Variants in AFF2 observed in about 807,000 individuals in gnomAD.
The protein encoded by AFF2 is AF4/FMR2 family member 2.
In AFF2, 14 loss-of-function variants were observed where a neutral mutation model predicts 76.9. That is an observed-to-expected ratio of 0.18 (90% CI 0.12 to 0.28). The LOEUF is 0.28. Ranked by LOEUF, AFF2 falls within the 10% of genes least tolerant of loss-of-function variation. The pLI, the probability that AFF2 is intolerant of heterozygous loss-of-function variation, is 1.00. For missense variants in AFF2, 868 were observed against 1,001.1 expected (o/e 0.87, Z 1.79); for synonymous variants, 398 against 366.7 (o/e 1.09, Z -0.98).
rs141293394 is a variant in AFF2 at position 148,539,568 on chromosome X, C to T, written c.47+38424C>T. Among the ~76,000 whole-genome samples the T allele has an allele frequency of 9.2e-3, 1,016 of 110,738 alleles. 8 individuals are homozygous for T. Among genetic ancestry groups the T allele is most frequent in the Non-Finnish European group, 0.015 (801 of 52,815 alleles). On this transcript the variant is annotated intron_variant, in intron 1 of 20. Coordinates refer to ENST00000370460, the MANE Select transcript of AFF2 (RefSeq NM_002025.4). ...CAACATAGATCCACAACATTGTACACCCTCATTTCTCTTTCTCTTGCTATT... is the reference window on the plus strand; with the variant it reads ...CAACATAGATCCACAACATTGTACATCCTCATTTCTCTTTCTCTTGCTATT...
intron 7 of AFF2, among the ~76,000 whole-genome samples, chrX:148,848,305 C>T (rs1430431114): frequency 1.8e-5 from 2 of 111,160 alleles, no homozygotes; most frequent in African/African-American, 6.6e-5. Context: ...ATTTCATTAC[C>T]AAAGAGAATA....
chrX:148,618,524 C>T (rs2053835713), intron 1 of AFF2, among the ~76,000 whole-genome samples: 2 of 111,261 alleles, frequency 1.8e-5, no homozygotes, highest in Non-Finnish European at 3.8e-5. Context: ...CTGACCTTGA[C>T]ACATGGGGAT....
rs1392535432 is a variant in AFF2 at position 148,876,297 on chromosome X, A to G, written c.1263-9592A>G. Among the ~76,000 whole-genome samples, 5 of 112,241 alleles carry G rather than the reference A, an allele frequency of 4.5e-5. No individual in the cohort carries two copies. In the East Asian group the frequency reaches 1.4e-3, roughly 32 times the overall value. On this transcript the variant is annotated intron_variant, in intron 7 of 20. Coordinates refer to ENST00000370460, the MANE Select transcript of AFF2 (RefSeq NM_002025.4). The stretch of plus-strand genomic sequence containing the variant: ...TTGATCTGAGGTGACACAGATAGTC[A>G]GAGTTTGAACTTGGGTCTATCTGAC...
At chrX:148,838,903 A>T (rs781805472) in intron 5 of AFF2, among the ~76,000 whole-genome samples, 1 of 112,159 alleles carries the variant, frequency 8.9e-6, no homozygotes, top group East Asian at 2.8e-4. Flanking sequence ...AGAGGTCAGA[A>T]CTAAACGAAC....
chrX:148,544,535 G>A (rs1472304157), intron 1 of AFF2, among the ~76,000 whole-genome samples: 1 of 112,178 alleles, frequency 8.9e-6, no homozygotes, highest in Non-Finnish European at 1.9e-5. Flanking sequence ...TTAGGGATTG[G>A]GGCTGCTGTA....
In AFF2 at chrX:148,953,630, G is replaced by A. The variant is rs782666153; in HGVS notation, c.1448G>A (p.Gly483Asp). The change falls in exon 10 of 21, where the codon GGT (glycine) becomes GAT (aspartate). Residue 483 changes from glycine (G) to aspartate (D), a missense_variant. Gly to Asp is a moderately conservative substitution (Grantham distance 94). This residue lies in a region of AFF2 where 532 missense variants were observed against 564.2 expected (regional missense o/e 0.94). Transcript: ENST00000370460. The part of the protein sequence containing the change: ...QPPPAVQASG[G>D]SGSSSESESS... The stretch of plus-strand genomic sequence containing the variant: ...CCACCTGCAGTGCAAGCCAGCGGGG[G>A]TTCTGGCAGCTCCAGCGAATCGGAG... 5.8e-6 allele frequency: 7 copies of A among 1,211,756 alleles called. No individual in the cohort carries two copies. The highest frequency in any genetic ancestry group is 6.7e-6 in the Non-Finnish European group (6 of 895,447).
chrX:148,717,737 C>G lies in AFF2; in HGVS notation c.1041+54969C>G, dbSNP rs149358811. ...AAGAAGGGGCATTGCCTGGTGTGTT[C>G]AGAGAACAGGAAGGAGGCAATGTGC... On this transcript the variant is annotated intron_variant, in intron 3 of 20. Transcript: ENST00000370460. 6.5e-3 allele frequency among the ~76,000 whole-genome samples: 723 copies of G among 110,984 alleles called. 7 individuals carry two copies. Among genetic ancestry groups the G allele is most frequent in the African/African-American group, 0.022 (681 of 30,507 alleles).
At chrX:148,907,006 C>G (rs1340469946) in intron 9 of AFF2, among the ~76,000 whole-genome samples, 3 of 111,630 alleles carry the variant, frequency 2.7e-5, no homozygotes, top group African/African-American at 9.8e-5. Context: ...TCTAATAGAG[C>G]TATAACACTC....
intron 9 of AFF2, among the ~76,000 whole-genome samples, chrX:148,935,680 T>C (rs987287749): frequency 9.0e-6 from 1 of 111,376 alleles, no homozygotes; most frequent in Non-Finnish European, 1.9e-5. Flanking sequence ...TAAGCACAGC[T>C]CTCCAGCTCT....
chrX:148,572,523 A>C (rs1269197671), intron 1 of AFF2, among the ~76,000 whole-genome samples: 1 of 111,870 alleles, frequency 8.9e-6, no homozygotes, highest in African/African-American at 3.3e-5. Context: ...CCATCGACTG[A>C]TGAATGGACA....
intron 11 of AFF2, among the ~76,000 whole-genome samples, chrX:148,957,988 T>C (rs144656998): frequency 3.6e-5 from 4 of 112,525 alleles, no homozygotes; most frequent in Middle Eastern, 4.6e-3. Context: ...ACAATGTTAG[T>C]TTCTAAACTA....
At chrX:148,747,527 T>C (rs2055435708) in intron 3 of AFF2, among the ~76,000 whole-genome samples, 1 of 111,922 alleles carries the variant, frequency 8.9e-6, no homozygotes, top group African/African-American at 3.2e-5. Context: ...AAGTTTTTGG[T>C]TTTTGATTCG....
At chrX:148,899,970 CA>C (rs2071336762) in intron 8 of AFF2, among the ~76,000 whole-genome samples, 1 of 110,216 alleles carries the variant, frequency 9.1e-6, no homozygotes, top group Non-Finnish European at 1.9e-5. Context: ...ATATAACCCC[CA>C]AAAGATTCTC....
At chrX:148,519,793 T>C (rs947317225) in intron 1 of AFF2, among the ~76,000 whole-genome samples, 2 of 111,829 alleles carry the variant, frequency 1.8e-5, no homozygotes, top group Non-Finnish European at 3.8e-5. Context: ...TCTTAAGATA[T>C]GTGGTCCTAA....
At chrX:148,518,614 GT>G (rs2052563590) in intron 1 of AFF2, among the ~76,000 whole-genome samples, 1 of 112,195 alleles carries the variant, frequency 8.9e-6, no homozygotes, top group African/African-American at 3.2e-5. Flanking sequence ...GAGTATGCAT[GT>G]CTTGTGTTTA....
chrX:148,569,176 TGAGGAG>T (rs1307899548), intron 1 of AFF2, among the ~76,000 whole-genome samples: 1 of 109,951 alleles, frequency 9.1e-6, no homozygotes, highest in Non-Finnish European at 1.9e-5. Flanking sequence ...ATCATGATGA[TGAGGAG>T]GAGGAGGAGG....
At chrX:148,844,588 T>A (rs2070642457) in intron 7 of AFF2, among the ~76,000 whole-genome samples, 1 of 111,795 alleles carries the variant, frequency 8.9e-6, no homozygotes. Context: ...TACTTGGAAT[T>A]TTTCAAAATG....
chrX:148,807,507 C>T (rs2070151567), intron 3 of AFF2, among the ~76,000 whole-genome samples: 1 of 111,990 alleles, frequency 8.9e-6, no homozygotes, highest in Non-Finnish European at 1.9e-5. Flanking sequence ...AAGTCCTGTT[C>T]CCAAGTGGTA....
chrX:148,618,111 T>C (rs2124414305), intron 1 of AFF2, among the ~76,000 whole-genome samples: 1 of 111,932 alleles, frequency 8.9e-6, no homozygotes, highest in South Asian at 3.7e-4. Context: ...ATTTATAACC[T>C]GAATTATGTT....
Sources: gnomAD v4.1 joint callset for allele counts (sites outside exome capture counted in the v4.1 genomes callset) on GRCh38, gnomAD v4.1.1 for gene constraint, gnomAD v4.1.1 regional missense constraint, MANE v1.5 for transcripts, NCBI Gene and HGNC (gene_info 2026-07-23, HGNC 2026-07-21) for gene names.